GRIP1: variants seen among roughly 807,000 people sequenced by gnomAD.
GRIP1 encodes the protein glutamate receptor-interacting protein 1.
In GRIP1, 45 loss-of-function variants were observed where a neutral mutation model predicts 129.9. The ratio of observed to expected loss-of-function variants is 0.35; its 90% CI spans 0.27 to 0.44. GRIP1 has a LOEUF of 0.44. Ranked by LOEUF, GRIP1 falls within the 20% of genes least tolerant of loss-of-function variation. GRIP1 has a pLI of 1.00. For missense variants in GRIP1, 1,196 were observed against 1,396.8 expected, an observed-to-expected ratio of 0.86 and a Z score of 2.29; for synonymous variants, 530 against 520.8, an observed-to-expected ratio of 1.02 and a Z score of -0.24.
At chr12:66,706,122 T>A (rs1397081589) in intron 1 of GRIP1, among the ~76,000 whole-genome samples, 1 of 152,132 alleles carries the variant, frequency 6.6e-6, no homozygotes, top group Non-Finnish European at 1.5e-5. Flanking sequence ...ACAAGCAACC[T>A]ACAGAATGGG....
intron 1 of GRIP1, among the ~76,000 whole-genome samples, chr12:66,940,184 G>A (rs1341117178): frequency 6.6e-6 from 1 of 151,734 alleles, no homozygotes; most frequent in Admixed American, 6.6e-5. Flanking sequence ...AGCTCATGCC[G>A]GCAAGAGGCA....
intron 1 of GRIP1, among the ~76,000 whole-genome samples, chr12:66,706,794 C>T (rs572397019): frequency 1.3e-5 from 2 of 152,074 alleles, no homozygotes; most frequent in Non-Finnish European, 2.9e-5. Flanking sequence ...CATGCTCTCA[C>T]TCAAAAGTAG....
chr12:66,363,200 C>CATATATATATATAT (rs35452357), intron 23 of GRIP1, among the ~76,000 whole-genome samples: 7 of 88,268 alleles, frequency 7.9e-5, no homozygotes, highest in Admixed American at 4.8e-4. Flanking sequence ...TGTGTGTGTC[C>CATATATATATATAT]ATATATATAT....
chr12:66,532,752 C>G (rs1241779165), intron 4 of GRIP1, among the ~76,000 whole-genome samples: 1 of 151,942 alleles, frequency 6.6e-6, no homozygotes, highest in Non-Finnish European at 1.5e-5. Flanking sequence ...GAGACTCTTT[C>G]TCCCTCTCTC....
At chr12:66,855,643 A>G (rs899115962) in intron 1 of GRIP1, among the ~76,000 whole-genome samples, 23 of 152,080 alleles carry the variant, frequency 1.5e-4, no homozygotes, top group African/African-American at 5.6e-4. Context: ...GATATTGTAG[A>G]TCTTTTAACT....
intron 1 of GRIP1, among the ~76,000 whole-genome samples, chr12:66,820,585 C>A (rs1206134616): frequency 6.6e-6 from 1 of 151,852 alleles, no homozygotes; most frequent in Admixed American, 6.6e-5. Context: ...TCATAATTGC[C>A]AAAATTTGGA....
intron 1 of GRIP1, among the ~76,000 whole-genome samples, chr12:66,763,845 A>G (rs1048516594): frequency 6.6e-6 from 1 of 152,162 alleles, no homozygotes; most frequent in African/African-American, 2.4e-5. Context: ...ATACTCACAC[A>G]TTTTCAAAGA....
At chr12:66,921,079 G>A (rs1420035302) in intron 1 of GRIP1, among the ~76,000 whole-genome samples, 7 of 152,140 alleles carry the variant, frequency 4.6e-5, no homozygotes, top group African/African-American at 1.4e-4. Flanking sequence ...TTAGAGGCAG[G>A]TGATACGTGA....
chr12:66,612,019 A>G (rs2064818654), intron 1 of GRIP1, among the ~76,000 whole-genome samples: 1 of 152,194 alleles, frequency 6.6e-6, no homozygotes, highest in Non-Finnish European at 1.5e-5. Context: ...AGTTACATAA[A>G]TCTCTAAGCT....
At chr12:66,646,917 C>T (rs1238438474) in intron 1 of GRIP1, among the ~76,000 whole-genome samples, 1 of 152,208 alleles carries the variant, frequency 6.6e-6, no homozygotes, top group Admixed American at 6.5e-5. Flanking sequence ...CTGTAGACCT[C>T]TCTATTCTCA....
At chr12:66,999,554 T>A (rs1298159941) in intron 1 of GRIP1, among the ~76,000 whole-genome samples, 1 of 152,166 alleles carries the variant, frequency 6.6e-6, no homozygotes, top group Non-Finnish European at 1.5e-5. Flanking sequence ...AAAGCAAAAT[T>A]GTAAATCAAG....
intron 5 of GRIP1, among the ~76,000 whole-genome samples, chr12:66,521,813 C>A (rs2061015459): frequency 6.6e-6 from 1 of 152,192 alleles, no homozygotes; most frequent in African/African-American, 2.4e-5. Flanking sequence ...TAATACTGAG[C>A]TTTTCCAACG....
chr12:66,593,695 G>A (rs758449024), intron 2 of GRIP1, among the ~76,000 whole-genome samples: 1 of 152,056 alleles, frequency 6.6e-6, no homozygotes, highest in Non-Finnish European at 1.5e-5. Context: ...TAATATGAAC[G>A]GTCAAATCCA....
At chr12:66,359,092 A>G (rs533031514) in intron 23 of GRIP1, among the ~76,000 whole-genome samples, 1 of 152,234 alleles carries the variant, frequency 6.6e-6, no homozygotes, top group South Asian at 2.1e-4. Context: ...TGCTATCTCC[A>G]TTCCACTTGC....
intron 1 of GRIP1, among the ~76,000 whole-genome samples, chr12:66,788,317 G>C (rs1255300357): frequency 6.6e-6 from 1 of 151,618 alleles, no homozygotes; most frequent in Non-Finnish European, 1.5e-5. Context: ...ACACAGTTGA[G>C]GTCAGTCTGC....
intron 23 of GRIP1, among the ~76,000 whole-genome samples, chr12:66,364,996 AT>A (rs1403620217): frequency 6.6e-5 from 10 of 152,272 alleles, no homozygotes; most frequent in African/African-American, 2.4e-4. Flanking sequence ...TGTCTCAGTC[AT>A]TTTCTCTGAC....
At chr12:66,511,081 T>C (rs1292811163) in intron 7 of GRIP1, among the ~76,000 whole-genome samples, 2 of 152,092 alleles carry the variant, frequency 1.3e-5, no homozygotes, top group Non-Finnish European at 2.9e-5. Context: ...GGGAAGGGCA[T>C]GGTGGGAGGT....
At chr12:66,825,701 G>T (rs948144205) in intron 1 of GRIP1, among the ~76,000 whole-genome samples, 2 of 152,154 alleles carry the variant, frequency 1.3e-5, no homozygotes, top group African/African-American at 4.8e-5. Flanking sequence ...CTCTGCTGCT[G>T]CTCTTATTGT....
At chr12:66,382,810 G>A (rs564600858) in intron 19 of GRIP1, among the ~76,000 whole-genome samples, 9 of 152,320 alleles carry the variant, frequency 5.9e-5, no homozygotes, top group Middle Eastern at 3.4e-3. Context: ...AGGAGAAGGA[G>A]AAGAAAGAGG....
Sources: gnomAD v4.1 joint callset for allele counts (sites outside exome capture counted in the v4.1 genomes callset) on GRCh38, gnomAD v4.1.1 for gene constraint, MANE v1.5 for transcripts, NCBI Gene and HGNC (gene_info 2026-07-23, HGNC 2026-07-21) for gene names.